The following LYN variants were observed in gnomAD, a reference collection of about 807,000 sequenced individuals.
The protein encoded by LYN is LYN proto-oncogene, Src family tyrosine kinase.
A neutral mutation model predicts 65.0 loss-of-function variants in LYN; 12 were observed. The ratio of observed to expected loss-of-function variants is 0.18; its 90% CI spans 0.12 to 0.30. LYN has a LOEUF of 0.30. Ranked by LOEUF, LYN falls within the 10% of genes least tolerant of loss-of-function variation. The probability of loss-of-function intolerance (pLI) is 1.00; values close to 1 mark genes in which losing one functional copy is unlikely to be tolerated. For synonymous variants in LYN, 222 were observed against 221.2 expected, an observed-to-expected ratio of 1.00 and a Z score of -0.03; for missense variants, 380 against 623.2, an observed-to-expected ratio of 0.61 and a Z score of 4.16.
rs894865648 is a variant in LYN at position 56,013,356 on chromosome 8, C to A, written c.*3246C>A. The A allele has an allele frequency of 2.0e-5, 3 of 151,922 alleles. No homozygotes were observed. Among genetic ancestry groups the A allele is most frequent in the African/African-American group, 7.3e-5 (3 of 41,284 alleles). 9.4% of individuals were successfully genotyped at this position (151,922 alleles called of 1,614,324 possible). A position where few individuals can be genotyped will look rare whatever the true frequency, so the allele number is the denominator to read the frequency against. On this transcript the variant is annotated 3_prime_UTR_variant, in exon 13 of 13. Transcript: ENST00000519728. ...GATCTCAGCTCATTGCAACCTCCCC[C>A]TCTCTGGTTGGAGCGATTCTTCTCC... is the stretch of plus-strand genomic sequence containing the variant.
intron 12 of LYN, among the ~76,000 whole-genome samples, chr8:56,002,427 A>T (rs995625946): frequency 6.1e-5 from 8 of 131,454 alleles, no homozygotes; most frequent in Admixed American, 1.5e-4. Flanking sequence ...TTAAAAAAAT[A>T]AAAAAAAAAA....
At chr8:55,972,691 C>T (rs1409178065) in intron 10 of LYN, among the ~76,000 whole-genome samples, 1 of 152,200 alleles carries the variant, frequency 6.6e-6, no homozygotes. Context: ...AAATCTATCA[C>T]TTTTCCATAG....
chr8:55,915,115 T>C (rs1170140899), intron 1 of LYN, among the ~76,000 whole-genome samples: 1 of 152,228 alleles, frequency 6.6e-6, no homozygotes, highest in Non-Finnish European at 1.5e-5. Context: ...CCTTATCTAT[T>C]ATCTGCTCTT....
rs541081001 is a variant in LYN at position 55,884,622 on chromosome 8, A to G, written c.-6+4519A>G. On this transcript the variant is annotated intron_variant, in intron 1 of 12. Coordinates refer to ENST00000519728, the MANE Select transcript of LYN (RefSeq NM_002350.4). ...AGGCGCCCGCCACCATGCCTGGCTA[A>G]TTTTTGTATTTTTAGTAGAGATGGG... Among the ~76,000 whole-genome samples, 32 of 148,688 alleles carry G rather than the reference A, an allele frequency of 2.2e-4. No individual in the cohort carries two copies. In the East Asian group the frequency reaches 6.4e-3, roughly 30 times the overall value.
rs1807217880 is a variant in LYN, at chr8:55,959,615, A to G, written c.790+5631A>G. Among the ~76,000 whole-genome samples, 5 of 152,160 alleles carry G rather than the reference A, an allele frequency of 3.3e-5. No homozygotes were observed. The South Asian group carries it at 1.0e-3, about 32-fold the overall frequency. The stretch of plus-strand genomic sequence containing the variant: ...GTATTTTTGCTTTTTAATTTTTTTT[A>G]TTTTGAGATAATTGTGGATTTACAT... On this transcript the variant is annotated intron_variant, in intron 8 of 12. Coordinates refer to ENST00000519728, the MANE Select transcript of LYN (RefSeq NM_002350.4).
chr8:55,915,344 T>C (rs1805752557), intron 1 of LYN, among the ~76,000 whole-genome samples: 1 of 152,230 alleles, frequency 6.6e-6, no homozygotes, highest in African/African-American at 2.4e-5. Flanking sequence ...ATATATTTTA[T>C]TAAACTCTTT....
chr8:56,001,340 G>T (rs1332758921), intron 12 of LYN, among the ~76,000 whole-genome samples: 2 of 152,204 alleles, frequency 1.3e-5, no homozygotes, highest in African/African-American at 4.8e-5. Flanking sequence ...GGTTAGAGTG[G>T]CTCAGGGAGA....
At chr8:56,009,608 T>C (rs1388627883) in intron 12 of LYN, among the ~76,000 whole-genome samples, 1 of 152,210 alleles carries the variant, frequency 6.6e-6, no homozygotes, top group Non-Finnish European at 1.5e-5. Context: ...TAATCTCCTC[T>C]TATAAGGATA....
chr8:55,951,533 T>C (rs1806948226), intron 6 of LYN, among the ~76,000 whole-genome samples: 1 of 151,892 alleles, frequency 6.6e-6, no homozygotes, highest in Admixed American at 6.6e-5. Flanking sequence ...GCTGTGGTGG[T>C]GCATGATCGT....
chr8:56,013,394 C>T lies in LYN; in HGVS notation c.*3284C>T, dbSNP rs1327522187. 1 of 152,066 alleles carries T rather than the reference C, an allele frequency of 6.6e-6. No homozygotes were observed. The highest frequency in any genetic ancestry group is 2.4e-5 in the African/African-American group (1 of 41,364). The allele number at this position is 152,066 out of a possible 1,614,324, so 9.4% of individuals were successfully genotyped here. ...GCGATTCTTCTCCTGCCTCAGCCTCCCTAGTAGCTGGAACTACAGGCACAC... is the reference window on the plus strand; with the variant it reads ...GCGATTCTTCTCCTGCCTCAGCCTCTCTAGTAGCTGGAACTACAGGCACAC... On this transcript the variant is annotated 3_prime_UTR_variant, in exon 13 of 13. Coordinates refer to ENST00000519728, the MANE Select transcript of LYN (RefSeq NM_002350.4).
At chr8:55,985,299 A>C (rs767225980) in intron 10 of LYN, among the ~76,000 whole-genome samples, 45 of 152,214 alleles carry the variant, frequency 3.0e-4, no homozygotes, top group Non-Finnish European at 5.1e-4. Flanking sequence ...CGGCCCTTGC[A>C]GCCACACCCA....
At chr8:55,891,277 G>A (rs1310983027) in intron 1 of LYN, among the ~76,000 whole-genome samples, 1 of 151,652 alleles carries the variant, frequency 6.6e-6, no homozygotes, top group South Asian at 2.1e-4. Flanking sequence ...ACTTGAACCC[G>A]GGAGGCAGAG....
At chr8:55,972,495 C>A (rs1193868176) in intron 10 of LYN, among the ~76,000 whole-genome samples, 1 of 152,104 alleles carries the variant, frequency 6.6e-6, no homozygotes, top group Non-Finnish European at 1.5e-5. Flanking sequence ...AAATCCCATA[C>A]CTTCCACTTC....
intron 1 of LYN, among the ~76,000 whole-genome samples, chr8:55,901,676 A>G (rs151317615): frequency 2.0e-5 from 3 of 152,334 alleles, no homozygotes; most frequent in Non-Finnish European, 4.4e-5. Flanking sequence ...CATTGGGCAT[A>G]CACTTCAGGA....
At chr8:55,880,694 C>G (rs1228823777) in intron 1 of LYN, among the ~76,000 whole-genome samples, 1 of 152,238 alleles carries the variant, frequency 6.6e-6, no homozygotes, top group East Asian at 1.9e-4. Flanking sequence ...GAGGCTGGAA[C>G]TCACCCTCCC....
intron 1 of LYN, among the ~76,000 whole-genome samples, chr8:55,928,066 C>T (rs908889954): frequency 1.3e-5 from 2 of 152,078 alleles, no homozygotes; most frequent in Non-Finnish European, 2.9e-5. Context: ...TGCCTCTTTG[C>T]CAGCATTTGG....
rs1001497513 is a variant in LYN, at chr8:55,934,469, G to A, written c.-5-7386G>A. Among the ~76,000 whole-genome samples the A allele has an allele frequency of 3.9e-5, 6 of 152,292 alleles. No homozygotes were observed. The East Asian group carries it at 5.8e-4, about 15-fold the overall frequency. ...GTTCTCTCCATATTCTGTGTATGCC[G>A]TTCACCGGCCCGCTAAGATTTGACT... On this transcript the variant is annotated intron_variant, in intron 1 of 12. Transcript: ENST00000519728.
chr8:55,940,761 C>T (rs142038418), intron 1 of LYN, among the ~76,000 whole-genome samples: 1 of 152,302 alleles, frequency 6.6e-6, no homozygotes, highest in Non-Finnish European at 1.5e-5. Context: ...TTTGCAGTCC[C>T]CAGAGTGCGT....
intron 10 of LYN, among the ~76,000 whole-genome samples, chr8:55,991,137 A>G (rs1808236972): frequency 6.6e-6 from 1 of 152,114 alleles, no homozygotes; most frequent in African/African-American, 2.4e-5. Flanking sequence ...CCCTGATCCC[A>G]CTCTGCCACC....
Sources: gnomAD v4.1 joint callset for allele counts (sites outside exome capture counted in the v4.1 genomes callset) on GRCh38, gnomAD v4.1.1 for gene constraint, MANE v1.5 for transcripts, NCBI Gene and HGNC (gene_info 2026-07-23, HGNC 2026-07-21) for gene names.